Variants in ZMAT4 observed in about 807,000 individuals in gnomAD.
ZMAT4 encodes the protein zinc finger matrin-type 4.
ZMAT4 carries 17 observed loss-of-function variants against 28.7 expected under a neutral mutation model. The observed-to-expected ratio is 0.59, with a 90% confidence interval of 0.41 to 0.89. ZMAT4 has a LOEUF of 0.89. Among genes scored for constraint, ZMAT4 ranks in the 40% least tolerant of loss-of-function variants. The pLI, the probability that ZMAT4 is intolerant of heterozygous loss-of-function variation, is 0.00. For synonymous variants in ZMAT4, 117 were observed against 109.2 expected, an observed-to-expected ratio of 1.07 and a Z score of -0.44; for missense variants, 240 against 283.8, an observed-to-expected ratio of 0.85 and a Z score of 1.11.
chr8:40,581,361 A>T, intron 5 of ZMAT4, 100 bp from the exon 6 acceptor site: 1 of 950,988 alleles, frequency 1.1e-6, no homozygotes, highest in Non-Finnish European at 1.7e-6. Flanking sequence ...TGTCGGAGAT[A>T]ACTCCTGATC....
intron 3 of ZMAT4, among the ~76,000 whole-genome samples, chr8:40,715,435 G>C (rs1203406081): frequency 6.6e-6 from 1 of 152,110 alleles, no homozygotes. Context: ...AAGAGCAAGA[G>C]TAGAAACAAA....
intron 5 of ZMAT4, among the ~76,000 whole-genome samples, chr8:40,590,877 G>A (rs2118579538): frequency 6.6e-6 from 1 of 152,084 alleles, no homozygotes; most frequent in Middle Eastern, 3.4e-3. Context: ...GTCCCCATTA[G>A]GTTCCATCTC....
At chr8:40,709,124 T>C (rs184749771) in intron 3 of ZMAT4, among the ~76,000 whole-genome samples, 3 of 152,316 alleles carry the variant, frequency 2.0e-5, no homozygotes, top group Admixed American at 2.0e-4. Context: ...ATAACCTACA[T>C]GCATCCTCCT....
At chr8:40,756,426 T>A (rs1441026196) in intron 3 of ZMAT4, among the ~76,000 whole-genome samples, 14 of 73,258 alleles carry the variant, frequency 1.9e-4, no homozygotes, top group South Asian at 5.9e-4. Context: ...AAATGTTCTT[T>A]TATATATATA....
chr8:40,870,455 G>A (rs1175520527), intron 1 of ZMAT4, among the ~76,000 whole-genome samples: 1 of 152,180 alleles, frequency 6.6e-6, no homozygotes, highest in Non-Finnish European at 1.5e-5. Context: ...AAGAACCTGG[G>A]AGGGCAGAGA....
At chr8:40,660,007 C>A (rs1808115336) in intron 5 of ZMAT4, among the ~76,000 whole-genome samples, 1 of 152,178 alleles carries the variant, frequency 6.6e-6, no homozygotes, top group Non-Finnish European at 1.5e-5. Context: ...TAACTCACTG[C>A]AAATCATTTA....
At chr8:40,633,069 G>T (rs1806654665) in intron 5 of ZMAT4, among the ~76,000 whole-genome samples, 1 of 151,860 alleles carries the variant, frequency 6.6e-6, no homozygotes, top group Admixed American at 6.6e-5. Flanking sequence ...GGGCTGGGAG[G>T]GTAGGTTTGG....
chr8:40,652,164 A>C (rs1008936646), intron 5 of ZMAT4, among the ~76,000 whole-genome samples: 1 of 117,288 alleles, frequency 8.5e-6, no homozygotes, highest in Non-Finnish European at 1.9e-5. Context: ...AATGGGAGAA[A>C]ATTTTTGCTA....
chr8:40,876,186 C>A (rs28644494), intron 1 of ZMAT4, among the ~76,000 whole-genome samples: 16,455 of 152,176 alleles, frequency 0.11, 1,115 homozygotes, highest in African/African-American at 0.18. Context: ...TGTCCCTGCC[C>A]CTCCTGAGAC....
At chr8:40,890,898 C>T (rs553837693) in intron 1 of ZMAT4, among the ~76,000 whole-genome samples, 94 of 152,098 alleles carry the variant, frequency 6.2e-4, no homozygotes, top group Admixed American at 2.2e-3. Flanking sequence ...ATTCAAGCCT[C>T]AGGTCCCATT....
intron 2 of ZMAT4, among the ~76,000 whole-genome samples, chr8:40,798,107 A>T (rs1370712424): frequency 2.0e-5 from 3 of 152,098 alleles, no homozygotes; most frequent in Admixed American, 1.3e-4. Flanking sequence ...TGCAGGGGGA[A>T]CCTCTACTTC....
rs191299797 is a variant in ZMAT4, at chr8:40,546,335, C to A, written c.675-14097G>T. On this transcript the variant is annotated intron_variant, in intron 6 of 6. Transcript: ENST00000297737. ...AAAAAAAGAAAATCATCTTCAAATG[C>A]ATCCCTTACATAACTCTAGGTTCTA... 7.2e-5 allele frequency among the ~76,000 whole-genome samples: 11 copies of A among 151,808 alleles called. No homozygotes were observed. The East Asian group carries it at 1.5e-3, about 21-fold the overall frequency.
intron 3 of ZMAT4, among the ~76,000 whole-genome samples, chr8:40,723,747 C>T (rs1811205376): frequency 6.6e-6 from 1 of 152,058 alleles, no homozygotes; most frequent in African/African-American, 2.4e-5. Context: ...CATTGGAACA[C>T]AATACATTTG....
chr8:40,633,105 C>A (rs576582601), intron 5 of ZMAT4, among the ~76,000 whole-genome samples: 1 of 100,058 alleles, frequency 1.0e-5, no homozygotes, highest in Non-Finnish European at 2.5e-5. Flanking sequence ...CAATTCATTA[C>A]AGAAGAAATG....
At chr8:40,866,628 GA>G (rs1817684810) in intron 1 of ZMAT4, among the ~76,000 whole-genome samples, 1 of 152,152 alleles carries the variant, frequency 6.6e-6, no homozygotes, top group South Asian at 2.1e-4. Context: ...AGAGGGTTAG[GA>G]AAGGAAGTTG....
chr8:40,658,210 G>A (rs545413120), intron 5 of ZMAT4, among the ~76,000 whole-genome samples: 233 of 151,732 alleles, frequency 1.5e-3, no homozygotes, highest in African/African-American at 5.4e-3. Flanking sequence ...TTAAATCCTC[G>A]CATTCTATTA....
At chr8:40,662,987 A>G (rs1484379270) in intron 5 of ZMAT4, among the ~76,000 whole-genome samples, 2 of 152,098 alleles carry the variant, frequency 1.3e-5, no homozygotes, top group South Asian at 4.2e-4. Flanking sequence ...TGGCTTTCAG[A>G]ATCTCCTCAT....
chr8:40,825,602 G>A lies in ZMAT4; in HGVS notation c.75C>T (p.Ser25=), dbSNP rs931595087. ...YCKVCSAQLI[S]ESQRVAHYES... Reference sequence around the variant, plus strand: ...CGTAGTGGGCCACACGCTGCGATTCGGAGATCAGCTGTGCACTGCACACCT... The same window carrying A: ...CGTAGTGGGCCACACGCTGCGATTCAGAGATCAGCTGTGCACTGCACACCT... The change falls in exon 2 of 7, where the codon TCC becomes TCT. Residue 25 remains serine, a synonymous_variant. Coordinates refer to ENST00000297737, the MANE Select transcript of ZMAT4 (RefSeq NM_024645.3). 1.9e-6 allele frequency: 3 copies of A among 1,553,762 alleles called. No individual in the cohort carries two copies. The highest frequency in any genetic ancestry group is 1.2e-5 in the South Asian group (1 of 84,226).
intron 1 of ZMAT4, among the ~76,000 whole-genome samples, chr8:40,886,530 G>A (rs1338477271): frequency 6.6e-6 from 1 of 152,200 alleles, no homozygotes; most frequent in African/African-American, 2.4e-5. Context: ...TGTAAAACCA[G>A]GGTGATGACC....
Sources: gnomAD v4.1 joint callset for allele counts (sites outside exome capture counted in the v4.1 genomes callset) on GRCh38, gnomAD v4.1.1 for gene constraint, MANE v1.5 for transcripts, NCBI Gene and HGNC (gene_info 2026-07-23, HGNC 2026-07-21) for gene names.